Variants in GABRR2 observed in about 807,000 individuals in gnomAD.
GABRR2 encodes the protein gamma-aminobutyric acid type A receptor subunit rho2, also known as gamma-aminobutyric acid receptor subunit rho-2.
In GABRR2, 36 loss-of-function variants were observed where a neutral mutation model predicts 47.0. That is an observed-to-expected ratio of 0.77 (90% CI 0.59 to 1.01). The LOEUF is 1.01. Ranked by LOEUF, GABRR2 falls within the 50% of genes least tolerant of loss-of-function variation. The probability of loss-of-function intolerance (pLI) is 0.00; values close to 1 mark genes in which losing one functional copy is unlikely to be tolerated. For missense variants in GABRR2, 587 were observed against 594.6 expected (o/e 0.99, Z 0.13); for synonymous variants, 204 against 227.5 (o/e 0.90, Z 0.93).
At chr6:89,293,203 A>C (rs967910531) in intron 2 of GABRR2, among the ~76,000 whole-genome samples, 1 of 152,210 alleles carries the variant, frequency 6.6e-6, no homozygotes, top group Non-Finnish European at 1.5e-5. Context: ...CATAAAAGCC[A>C]CTCAAAAGTA....
At chr6:89,301,709 CAAAG>C (rs753125353) in intron 1 of GABRR2, 1 of 618,376 alleles carries the variant, frequency 1.6e-6, no homozygotes. Flanking sequence ...AAACACCACT[CAAAG>C]AAATCAGAGA....
At chr6:89,260,479 G>A (rs1048097046) in intron 8 of GABRR2, among the ~76,000 whole-genome samples, 1 of 152,182 alleles carries the variant, frequency 6.6e-6, no homozygotes, top group African/African-American at 2.4e-5. Context: ...ACAAGGTCTG[G>A]CTAATCAGCC....
At chr6:89,292,704 C>A (rs1311991696) in intron 2 of GABRR2, among the ~76,000 whole-genome samples, 1 of 144,610 alleles carries the variant, frequency 6.9e-6, no homozygotes, top group Non-Finnish European at 1.5e-5. Flanking sequence ...TATCGTATCT[C>A]TGATATATAT....
chr6:89,285,461 A>C (rs1270785963), intron 2 of GABRR2, among the ~76,000 whole-genome samples: 1 of 152,154 alleles, frequency 6.6e-6, no homozygotes, highest in Non-Finnish European at 1.5e-5. Flanking sequence ...GATGAGCACC[A>C]CGTGTGAGCA....
Position 89,274,486 on chromosome 6 carries a change from C to G in GABRR2, c.221-2764G>C, listed in dbSNP as rs149547458. Among the ~76,000 whole-genome samples the G allele has an allele frequency of 3.1e-3, 468 of 152,212 alleles. 1 individual carries two copies. The highest frequency in any genetic ancestry group is 0.01 in the African/African-American group (433 of 41,524). Reference sequence around the variant, plus strand: ...TTTTATGTTTTGAGTGGGGCTAAGTCCTAACAAGTCCTATTTAGAAGGAAA... The same window carrying G: ...TTTTATGTTTTGAGTGGGGCTAAGTGCTAACAAGTCCTATTTAGAAGGAAA... On this transcript the variant is annotated intron_variant, in intron 2 of 8. Coordinates refer to ENST00000402938, the MANE Select transcript of GABRR2 (RefSeq NM_002043.5).
intron 2 of GABRR2, among the ~76,000 whole-genome samples, chr6:89,289,621 G>A (rs1486457226): frequency 6.6e-6 from 1 of 152,146 alleles, no homozygotes; most frequent in Non-Finnish European, 1.5e-5. Context: ...CAGAGCAGGG[G>A]AATAAGGGAC....
chr6:89,294,769 T>A (rs1774527807), intron 2 of GABRR2, among the ~76,000 whole-genome samples: 1 of 149,656 alleles, frequency 6.7e-6, no homozygotes, highest in African/African-American at 2.5e-5. Context: ...TAGGTATATC[T>A]CCTAATGCTA....
At chr6:89,297,813 T>A (rs2016849) in intron 2 of GABRR2, among the ~76,000 whole-genome samples, 89,906 of 152,014 alleles carry the variant, frequency 0.59, 26,947 homozygotes, top group Admixed American at 0.65. Flanking sequence ...AGATTGCGCC[T>A]CTGCACTCCA....
At chr6:89,295,264 A>C (rs1018265005) in intron 2 of GABRR2, among the ~76,000 whole-genome samples, 2 of 152,208 alleles carry the variant, frequency 1.3e-5, no homozygotes, top group African/African-American at 4.8e-5. Flanking sequence ...CCAACAGTGT[A>C]AAAGTGTTCC....
chr6:89,302,985 C>A, intron 1 of GABRR2: 2 of 1,299,024 alleles, frequency 1.5e-6, no homozygotes, highest in Non-Finnish European at 2.1e-6. Context: ...AGATGGAGAT[C>A]ACCGAGGCCA....
intron 1 of GABRR2, among the ~76,000 whole-genome samples, chr6:89,300,862 G>T (rs980656634): frequency 6.6e-6 from 1 of 151,882 alleles, no homozygotes; most frequent in Admixed American, 6.6e-5. Context: ...TTGAGGAGGC[G>T]GGACTCCTCC....
intron 1 of GABRR2, among the ~76,000 whole-genome samples, chr6:89,301,191 T>TTCA (rs146128563): frequency 0.58 from 88,609 of 151,700 alleles, 26,467 homozygotes; most frequent in Admixed American, 0.69. Context: ...TCAACACTCC[T>TTCA]TATTAAAAAC....
rs1421008724 is a variant in GABRR2 at position 89,257,862 on chromosome 6, T to C, written c.1206A>G (p.Glu402=). 6.2e-7 allele frequency: 1 copy of C among 1,614,066 alleles called. No homozygotes were observed. Among genetic ancestry groups the C allele is most frequent in the East Asian group, 2.2e-5 (1 of 44,892 alleles). ...YPRSHILTEE[E]RQDKIVVHLG... is the part of the protein sequence containing the mutation. ...GGTGGACCACTATTTTGTCTTGCCT[T>C]TCTTCTTCTGTCAGGATATGGCTTC... Residue 402 remains glutamate, a synonymous_variant, in exon 9 of 9, where the codon GAA becomes GAG. Coordinates refer to ENST00000402938, the MANE Select transcript of GABRR2 (RefSeq NM_002043.5).
chr6:89,312,183 G>A (rs780489297), intron 1 of GABRR2, among the ~76,000 whole-genome samples: 18 of 152,196 alleles, frequency 1.2e-4, no homozygotes, highest in Non-Finnish European at 1.9e-4. Context: ...AAGGGCAATC[G>A]TGTGGTCAGG....
chr6:89,271,794 G>T, intron 2 of GABRR2, 72 bp from the exon 3 acceptor site: 2 of 1,347,172 alleles, frequency 1.5e-6, no homozygotes, highest in Non-Finnish European at 1.0e-6. Context: ...GCCCCAGTTG[G>T]CTTCCCCCGG....
At position 89,291,217 on chromosome 6, in the gene GABRR2, G is replaced by A. The variant is rs1463684903; in HGVS notation, c.220+8542C>T. On this transcript the variant is annotated intron_variant, in intron 2 of 8. Transcript: ENST00000402938. ...CTCAGGTCCCTCCATTTCTTTCTGTGGTCTTCAGCCCCTCATCAGCTGTGG... is the reference window on the plus strand; with the variant it reads ...CTCAGGTCCCTCCATTTCTTTCTGTAGTCTTCAGCCCCTCATCAGCTGTGG... Among the ~76,000 whole-genome samples, 5 of 151,958 alleles carry A rather than the reference G, an allele frequency of 3.3e-5. No homozygotes were observed. The East Asian group carries it at 7.7e-4, about 23-fold the overall frequency.
At chr6:89,294,913 A>G (rs1774530316) in intron 2 of GABRR2, among the ~76,000 whole-genome samples, 2 of 150,940 alleles carry the variant, frequency 1.3e-5, no homozygotes, top group Non-Finnish European at 2.9e-5. Flanking sequence ...TCCTTGCGAT[A>G]GTTTGCTGAG....
chr6:89,263,582 G>C (rs1405908182), intron 8 of GABRR2, among the ~76,000 whole-genome samples: 2 of 152,280 alleles, frequency 1.3e-5, no homozygotes, highest in African/African-American at 2.4e-5. Context: ...GAGTACAGTG[G>C]TGCAATCTCA....
chr6:89,277,651 A>AG (rs1324318441), intron 2 of GABRR2, among the ~76,000 whole-genome samples: 1 of 152,070 alleles, frequency 6.6e-6, no homozygotes, highest in African/African-American at 2.4e-5. Context: ...AAAATCTAAA[A>AG]AAAAAAGAAA....
Sources: gnomAD v4.1 joint callset for allele counts (sites outside exome capture counted in the v4.1 genomes callset) on GRCh38, gnomAD v4.1.1 for gene constraint, MANE v1.5 for transcripts, NCBI Gene and HGNC (gene_info 2026-07-23, HGNC 2026-07-21) for gene names.